The following ASXL2 variants were observed in gnomAD, a reference collection of about 807,000 sequenced individuals.
ASXL2 encodes the protein ASXL transcriptional regulator 2, also known as putative Polycomb group protein ASXL2.
In ASXL2, 23 loss-of-function variants were observed where a neutral mutation model predicts 122.0. The observed-to-expected ratio is 0.19, with a 90% confidence interval of 0.14 to 0.27. ASXL2 has a LOEUF of 0.27. ASXL2 is among the 10% of genes least tolerant of loss of function. The probability of loss-of-function intolerance (pLI) is 1.00; values close to 1 mark genes in which losing one functional copy is unlikely to be tolerated. For synonymous variants in ASXL2, 650 were observed against 637.0 expected (o/e 1.02, Z -0.31); for missense variants, 1,518 against 1,713.8 (o/e 0.89, Z 2.02).
intron 3 of ASXL2, among the ~76,000 whole-genome samples, chr2:25,811,055 T>TGC (rs2089162022): frequency 8.6e-6 from 1 of 116,358 alleles, no homozygotes; most frequent in African/African-American, 3.3e-5. Flanking sequence ...AATACAAAAA[T>TGC]ACACACACAC....
At chr2:25,803,685 T>G (rs2149173120) in intron 4 of ASXL2, among the ~76,000 whole-genome samples, 1 of 152,210 alleles carries the variant, frequency 6.6e-6, no homozygotes, top group Non-Finnish European at 1.5e-5. Context: ...TCATACAGAG[T>G]GCATGACCTA....
chr2:25,821,535 G>A (rs998733086), intron 3 of ASXL2, among the ~76,000 whole-genome samples: 3 of 152,180 alleles, frequency 2.0e-5, no homozygotes, highest in Non-Finnish European at 2.9e-5. Flanking sequence ...AGGCCACAGC[G>A]AGCAGATCAC....
At chr2:25,842,821 G>T (rs1018997762) in intron 2 of ASXL2, among the ~76,000 whole-genome samples, 48 of 148,420 alleles carry the variant, frequency 3.2e-4, no homozygotes, top group East Asian at 3.2e-3. Context: ...TGTTTTTTTT[G>T]TTTGTTTGTT....
At chr2:25,774,273 TTAAAA>T (rs1322627387) in intron 5 of ASXL2, among the ~76,000 whole-genome samples, 1 of 152,000 alleles carries the variant, frequency 6.6e-6, no homozygotes, top group Non-Finnish European at 1.5e-5. Flanking sequence ...GTTAAAAAAA[TTAAAA>T]TATTTAAACA....
chr2:25,850,036 C>G (rs1380910410), intron 1 of ASXL2, among the ~76,000 whole-genome samples: 1 of 152,088 alleles, frequency 6.6e-6, no homozygotes, highest in Non-Finnish European at 1.5e-5. Flanking sequence ...TACCCATCAC[C>G]CATTTTCAAC....
At chr2:25,754,208 A>G (rs2088094040) in intron 10 of ASXL2, among the ~76,000 whole-genome samples, 1 of 152,152 alleles carries the variant, frequency 6.6e-6, no homozygotes, top group African/African-American at 2.4e-5. Flanking sequence ...GCAAGAAGAT[A>G]CTCAACATGC....
intron 2 of ASXL2, among the ~76,000 whole-genome samples, chr2:25,842,000 T>C (rs953312180): frequency 2.8e-5 from 4 of 144,528 alleles, no homozygotes; most frequent in African/African-American, 1.0e-4. Context: ...TAGACCCAGC[T>C]ACTCGGGAGG....
intron 3 of ASXL2, chr2:25,831,036 T>C (rs79011058): frequency 0.043 from 6,476 of 152,228 alleles, 213 homozygotes; most frequent in African/African-American, 0.081. Context: ...ATTCAAAGAA[T>C]TGGCCAGGCA....
chr2:25,738,255 G>A lies in ASXL2; in HGVS notation c.*3774C>T, dbSNP rs1434806444. 1 of 151,902 alleles carries A rather than the reference G, an allele frequency of 6.6e-6. No individual in the cohort carries two copies. The highest frequency in any genetic ancestry group is 1.5e-5 in the Non-Finnish European group (1 of 67,972). The allele number at this position is 151,902 out of a possible 1,614,324, so 9.4% of individuals were successfully genotyped here. A position where few individuals can be genotyped will look rare whatever the true frequency, so the allele number is the denominator to read the frequency against. ...CTTCAATAGTTGTATCAAATGTAAA[G>A]CATTAAAAAAAATAAAGTAACCAAG... On this transcript the variant is annotated 3_prime_UTR_variant, in exon 13 of 13. Coordinates refer to ENST00000435504, the MANE Select transcript of ASXL2 (RefSeq NM_018263.6).
chr2:25,773,032 A>C (rs2088483041), intron 5 of ASXL2, among the ~76,000 whole-genome samples: 1 of 151,624 alleles, frequency 6.6e-6, no homozygotes, highest in Non-Finnish European at 1.5e-5. Context: ...AATATGGTGA[A>C]ACCCCATCTC....
intron 1 of ASXL2, among the ~76,000 whole-genome samples, chr2:25,877,890 G>A (rs1458585264): frequency 6.6e-6 from 1 of 152,226 alleles, no homozygotes; most frequent in Admixed American, 6.5e-5. Context: ...CCACAGAGCG[G>A]AGGTGATATC....
intron 5 of ASXL2, among the ~76,000 whole-genome samples, chr2:25,790,800 C>CTTTTTT (rs35046164): frequency 1.8e-5 from 2 of 108,836 alleles, no homozygotes; most frequent in African/African-American, 3.5e-5. Flanking sequence ...AGTTTTTTGT[C>CTTTTTT]TTTTTTTTTT....
At chr2:25,753,914 G>A (rs2088088892) in intron 10 of ASXL2, among the ~76,000 whole-genome samples, 1 of 152,094 alleles carries the variant, frequency 6.6e-6, no homozygotes, top group South Asian at 2.1e-4. Context: ...CACGCTCCAA[G>A]CATCACACTC....
In ASXL2 at chr2:25,736,763, C is replaced by A. The variant is rs1238461439; in HGVS notation, c.*5266G>T. 6.6e-6 allele frequency: 1 copy of A among 152,026 alleles called. No homozygotes were observed. Among genetic ancestry groups the A allele is most frequent in the East Asian group, 1.9e-4 (1 of 5,190 alleles). 9.4% of individuals were successfully genotyped at this position (152,026 alleles called of 1,614,324 possible). On this transcript the variant is annotated 3_prime_UTR_variant, in exon 13 of 13. Coordinates refer to ENST00000435504, the MANE Select transcript of ASXL2 (RefSeq NM_018263.6). ...GAACTAGTGAACTACAATAAAAAGT[C>A]AGTTTTATGGGTCATCAAGATACAC...
chr2:25,835,261 A>C (rs2089495212), intron 3 of ASXL2, among the ~76,000 whole-genome samples: 1 of 152,222 alleles, frequency 6.6e-6, no homozygotes, highest in Admixed American at 6.5e-5. Context: ...TTGGCATCCC[A>C]ACGCTTTTAT....
At chr2:25,745,059 C>G (rs2087918880) in intron 12 of ASXL2, among the ~76,000 whole-genome samples, 1 of 152,020 alleles carries the variant, frequency 6.6e-6, no homozygotes, top group African/African-American at 2.4e-5. Context: ...TAGGAGCCCC[C>G]ACCATGCCCA....
At chr2:25,771,632 G>T in intron 5 of ASXL2, 92 bp from the exon 6 acceptor site, 1 of 989,804 alleles carries the variant, frequency 1.0e-6, no homozygotes, top group Non-Finnish European at 1.5e-6. Flanking sequence ...CCTGGAGTAA[G>T]AACTATGACC....
At chr2:25,782,376 C>A (rs986452272) in intron 5 of ASXL2, among the ~76,000 whole-genome samples, 1 of 151,522 alleles carries the variant, frequency 6.6e-6, no homozygotes, top group African/African-American at 2.4e-5. Context: ...GAAGCCCCAT[C>A]TCTACTAAAA....
Position 25,878,342 on chromosome 2 carries a change from G to A in ASXL2, c.-120C>T, listed in dbSNP as rs918097347. 6.2e-6 allele frequency: 6 copies of A among 974,996 alleles called. No individual in the cohort carries two copies. Among genetic ancestry groups the A allele is most frequent in the South Asian group, 1.4e-5 (1 of 69,940 alleles). The allele number at this position is 974,996 out of a possible 1,614,324, so 60.4% of individuals were successfully genotyped here. On this transcript the variant is annotated 5_prime_UTR_variant, in exon 1 of 13. Transcript: ENST00000435504. ...GAAAGGTGGGAGAAAAGGGAAGTCA[G>A]ACCGGGGGGGCACCCAAGCAGAGGA...
Sources: gnomAD v4.1 joint callset for allele counts (sites outside exome capture counted in the v4.1 genomes callset) on GRCh38, gnomAD v4.1.1 for gene constraint, MANE v1.5 for transcripts, NCBI Gene and HGNC (gene_info 2026-07-23, HGNC 2026-07-21) for gene names.